PNPLA6: variants seen among roughly 807,000 people sequenced by gnomAD.
PNPLA6 encodes patatin-like phospholipase domain-containing protein 6.
Under a neutral mutation model 153.7 loss-of-function variants are expected in PNPLA6, and 105 were observed. The observed-to-expected ratio is 0.68, with a 90% CI of 0.58 to 0.80. PNPLA6 has a LOEUF of 0.80. Ranked by LOEUF, PNPLA6 falls within the 30% of genes least tolerant of loss-of-function variation. The pLI, the probability that PNPLA6 is intolerant of heterozygous loss-of-function variation, is 0.00. For synonymous variants in PNPLA6, 825 were observed against 822.2 expected, an observed-to-expected ratio of 1.00 and a Z score of -0.06; for missense variants, 1,423 against 1,919.3, an observed-to-expected ratio of 0.74 and a Z score of 4.83.
At chr19:7,550,782 A>T (rs2023608429) in intron 16 of PNPLA6, 142 bp downstream of exon 16, 28 of 1,145,732 alleles carry the variant, frequency 2.4e-5, no homozygotes, top group Non-Finnish European at 3.2e-5. Context: ...CCCCGCCCAG[A>T]CCTCATTTCG....
chr19:7,554,883 T>G lies in PNPLA6; in HGVS notation c.2635-10T>G. On this transcript the variant is annotated splice_polypyrimidine_tract_variant and intron_variant, in intron 21 of 31. Transcript: ENST00000600737. ...GGCGGCTGGTGACCTCAGCCGTCCG[T>G]ATTCCGCAGCTGGAGCAGATGCTGG... 6.3e-7 allele frequency: 1 copy of G among 1,581,032 alleles called. No homozygotes were observed. Among genetic ancestry groups the G allele is most frequent in the Non-Finnish European group, 8.6e-7 (1 of 1,168,416 alleles).
At chr19:7,547,279 A>G (rs1047832630) in intron 13 of PNPLA6, among the ~76,000 whole-genome samples, 1 of 152,102 alleles carries the variant, frequency 6.6e-6, no homozygotes, top group Non-Finnish European at 1.5e-5. Flanking sequence ...CAGCGGCACC[A>G]TTTTACATTT....
chr19:7,550,690 C>T, intron 16 of PNPLA6, 50 bp downstream of exon 16: 2 of 1,602,236 alleles, frequency 1.2e-6, no homozygotes. Flanking sequence ...AGGCCAGTCC[C>T]TCGACAACTC....
Position 7,541,731 on chromosome 19 carries a change from C to G in PNPLA6, c.1168+47C>G, listed in dbSNP as rs750059228. 54 of 1,534,552 alleles carry G rather than the reference C, an allele frequency of 3.5e-5. No homozygotes were observed. Among genetic ancestry groups the G allele is most frequent in the Non-Finnish European group, 4.7e-5 (54 of 1,140,828 alleles). ...GCCGAGCCCAATCTCCCAGGAAGCC[C>G]CGTCTCAGCCGCCAGCCCCTTTTTC... On this transcript the variant is annotated intron_variant, in intron 9 of 31. Transcript: ENST00000600737. The surrounding 1 kb of genome is among the most constrained non-coding windows in gnomAD (Gnocchi z 5.2).
At chr19:7,550,716 G>A in intron 16 of PNPLA6, 76 bp downstream of exon 16, 6 of 1,562,832 alleles carry the variant, frequency 3.8e-6, no homozygotes, top group East Asian at 2.3e-5. Context: ...CATCATCCCG[G>A]GTAATCCAGG....
rs536673399 is a variant in PNPLA6 at position 7,537,054 on chromosome 19, TC to T, written c.413+511del. ...GACATGCTGTCTCTAGGGTATCTCT[TC>T]CCTGAGGGCTACCTCAGTGACCTTC... On this transcript the variant is annotated intron_variant, in intron 3 of 31. Transcript: ENST00000600737. Among the ~76,000 whole-genome samples the T allele has an allele frequency of 1.4e-4, 21 of 152,102 alleles. No homozygotes were observed. In the South Asian group the frequency reaches 4.4e-3, roughly 32 times the overall value.
chr19:7,550,948 C>T (rs757910552), intron 16 of PNPLA6, 46 bp from the exon 17 acceptor site: 83 of 1,387,312 alleles, frequency 6.0e-5, no homozygotes, highest in Non-Finnish European at 7.3e-5. Context: ...CTTCGGCCTC[C>T]TCATTCCCCA....
Position 7,535,749 on chromosome 19 carries a change from C to A in PNPLA6, c.-40C>A. ...GGGCCGCCGGGCCTCAGGGAAGAGTCGCGCCCCCGGGGAGGGAGCAGCACT... is the reference window on the plus strand; with the variant it reads ...GGGCCGCCGGGCCTCAGGGAAGAGTAGCGCCCCCGGGGAGGGAGCAGCACT... On this transcript the variant is annotated 5_prime_UTR_variant, in exon 1 of 32. Transcript: ENST00000600737. The surrounding 1 kb of genome is among the most constrained non-coding windows in gnomAD (Gnocchi z 5.0). 1.3e-6 allele frequency: 2 copies of A among 1,518,482 alleles called. No individual in the cohort carries two copies. Among genetic ancestry groups the A allele is most frequent in the South Asian group, 1.2e-5 (1 of 82,800 alleles). The allele number at this position is 1,518,482 out of a possible 1,614,324, so 94.1% of individuals were successfully genotyped here.
chr19:7,555,846 G>A lies in PNPLA6; in HGVS notation c.3093+83G>A, dbSNP rs1568421000. 4.2e-6 allele frequency: 6 copies of A among 1,443,698 alleles called. No individual in the cohort carries two copies. Among genetic ancestry groups the A allele is most frequent in the Non-Finnish European group, 5.8e-6 (6 of 1,037,784 alleles). 89.4% of individuals were successfully genotyped at this position (1,443,698 alleles called of 1,614,324 possible). The stretch of plus-strand genomic sequence containing the variant: ...CAACCTAACCTGATCCCATGGGGGA[G>A]CCTCCGGGGTCAGGGTGACCCTTCC... On this transcript the variant is annotated intron_variant, in intron 24 of 31. Transcript: ENST00000600737. The surrounding 1 kb of genome is among the most constrained non-coding windows in gnomAD (Gnocchi z 6.3).
chr19:7,535,672 G>A, upstream of PNPLA6: 1 of 1,535,760 alleles, frequency 6.5e-7, no homozygotes, highest in Non-Finnish European at 8.8e-7. This position sits in a 1 kb window ranked among gnomAD's most constrained non-coding sequence, Gnocchi z 5.0. Flanking sequence ...GTGGTCTGGC[G>A]ATAACGCGCT....
chr19:7,550,076 G>T lies in PNPLA6; in HGVS notation c.1778G>T (p.Cys593Phe). The change falls in exon 14 of 32, where the codon TGC becomes TTC. Residue 593 changes from cysteine (C) to phenylalanine (F), a missense_variant. Cys to Phe is a radical substitution (Grantham distance 205). This residue lies in a region of PNPLA6 where 119 missense variants were observed against 163.7 expected (regional missense o/e 0.73). Coordinates refer to ENST00000600737, the MANE Select transcript of PNPLA6 (RefSeq NM_001166114.2). The stretch of plus-strand genomic sequence containing the variant: ...TTCACACTGCGAGCCCAACGCGACT[G>T]CACCTTCCTGCGGATCTCCAAGTCC... ...LIFTLRAQRDCTFLRISKSDF... is the reference protein window; with the variant it reads ...LIFTLRAQRDFTFLRISKSDF... The T allele has an allele frequency of 6.2e-7, 1 of 1,614,100 alleles. No homozygotes were observed. The highest frequency in any genetic ancestry group is 8.5e-7 in the Non-Finnish European group (1 of 1,180,046).
chr19:7,541,647 A>C lies in PNPLA6; in HGVS notation c.1131A>C (p.Pro377=). Residue 377 remains proline, a synonymous_variant, in exon 9 of 32, where the codon CCA becomes CCC. Transcript: ENST00000600737. This position sits in a 1 kb window ranked among gnomAD's most constrained non-coding sequence, Gnocchi z 5.2. The part of the protein sequence containing the change: ...TDEPRETPGR[P]PDPTGAPLPG... The stretch of plus-strand genomic sequence containing the variant: ...AGCCCAGGGAGACCCCAGGGCGGCC[A>C]CCCGATCCCACCGGGGCCCCGCTGC... The C allele has an allele frequency of 6.3e-7, 1 of 1,580,610 alleles. No individual in the cohort carries two copies. The highest frequency in any genetic ancestry group is 8.6e-7 in the Non-Finnish European group (1 of 1,164,658).
chr19:7,554,059 G>GGGGGGGC, intron 19 of PNPLA6, 44 bp downstream of exon 19: 2 of 1,534,078 alleles, frequency 1.3e-6, no homozygotes, highest in Non-Finnish European at 1.8e-6. Flanking sequence ...CGGTGGGTGG[G>GGGGGGGC]ACATTAGTGA....
rs1403672280 is a variant in PNPLA6, at chr19:7,555,735, C to A, written c.3065C>A (p.Thr1022Lys). ...GCGGAGGAGCGCAGCGCCAGCCGCA[C>A]GAAGCAGCGGGCCCGGGAGTGGGCC... ...LYAEERSASRTKQRAREWAKS... is the reference protein window; with the variant it reads ...LYAEERSASRKKQRAREWAKS... Residue 1022 changes from threonine (T) to lysine (K), a missense_variant, in exon 24 of 32, where the codon ACG (threonine) becomes AAG (lysine). Coordinates refer to ENST00000600737, the MANE Select transcript of PNPLA6 (RefSeq NM_001166114.2). This position sits in a 1 kb window ranked among gnomAD's most constrained non-coding sequence, Gnocchi z 6.3. 8 of 1,613,666 alleles carry A rather than the reference C, an allele frequency of 5.0e-6. No homozygotes were observed. In the Admixed American group the frequency reaches 1.3e-4, roughly 27 times the overall value.
chr19:7,560,406 C>G (rs2146120599), intron 28 of PNPLA6, among the ~76,000 whole-genome samples: 1 of 152,294 alleles, frequency 6.6e-6, no homozygotes. Context: ...ATTTGCTACC[C>G]AGCACCCTGC....
chr19:7,550,307 C>T lies in PNPLA6; in HGVS notation c.1824C>T (p.Arg608=), dbSNP rs759282932. 7 of 1,612,892 alleles carry T rather than the reference C, an allele frequency of 4.3e-6. No individual in the cohort carries two copies. The highest frequency in any genetic ancestry group is 5.9e-6 in the Non-Finnish European group (7 of 1,180,050). The change falls in exon 15 of 32, where the codon CGC becomes CGT. Residue 608 remains arginine, a synonymous_variant. Coordinates refer to ENST00000600737, the MANE Select transcript of PNPLA6 (RefSeq NM_001166114.2). ...AAGTCTGTTCCTGCAGGATCATGCG[C>T]GCACAGCCCAGTGTGGTGCTGAGTG... ...ISKSDFYEIM[R]AQPSVVLSAA...
rs1307911328 is a variant in PNPLA6, at chr19:7,555,690, C to G, written c.3020C>G (p.Ser1007Cys). The part of the protein sequence containing the change: ...VDLVGGTSIG[S>C]FIGALYAEER... The stretch of plus-strand genomic sequence containing the variant: ...CTGGTGGGCGGCACGTCCATTGGCT[C>G]TTTCATCGGAGCGTTGTACGCGGAG... The change falls in exon 24 of 32, where the codon TCT becomes TGT. Residue 1007 changes from serine (S) to cysteine (C), a missense_variant. This residue lies in a region of PNPLA6 where 643 missense variants were observed against 835.2 expected (regional missense o/e 0.77). Coordinates refer to ENST00000600737, the MANE Select transcript of PNPLA6 (RefSeq NM_001166114.2). This position sits in a 1 kb window ranked among gnomAD's most constrained non-coding sequence, Gnocchi z 6.3. The G allele has an allele frequency of 6.2e-7, 1 of 1,613,696 alleles. No individual in the cohort carries two copies. The highest frequency in any genetic ancestry group is 2.2e-5 in the East Asian group (1 of 44,892).
At chr19:7,557,782 T>TC (rs753884617) in intron 27 of PNPLA6, among the ~76,000 whole-genome samples, 5,532 of 75,788 alleles carry the variant, frequency 0.073, 475 homozygotes, top group African/African-American at 0.17. Flanking sequence ...AGACTCAGTC[T>TC]CAAAAAAAAA....
At chr19:7,538,739 G>T (rs1046145926) in intron 3 of PNPLA6, among the ~76,000 whole-genome samples, 1 of 152,206 alleles carries the variant, frequency 6.6e-6, no homozygotes. Context: ...TGGGAGGAAG[G>T]TCTATCTCAG....
Sources: allele counts gnomAD v4.1 joint callset (sites outside exome capture counted in the v4.1 genomes callset), GRCh38; gene constraint gnomAD v4.1.1; regional missense constraint gnomAD v4.1.1; non-coding constraint Gnocchi (gnomAD v3.1); transcripts MANE v1.5; gene names NCBI Gene and HGNC (gene_info 2026-07-23, HGNC 2026-07-21).